Variants in PECR observed in about 807,000 individuals in gnomAD.
The protein encoded by PECR is peroxisomal trans-2-enoyl-CoA reductase, also known as 2,4-dienoyl-CoA reductase-related protein.
A neutral mutation model predicts 35.3 loss-of-function variants in PECR; 30 were observed. The observed-to-expected ratio is 0.85, with a 90% CI of 0.64 to 1.15. PECR has a LOEUF of 1.15. PECR is among the 50% of genes most tolerant of loss of function. PECR has a pLI of 0.00. For synonymous variants in PECR, 148 were observed against 138.9 expected (o/e 1.07, Z -0.46); for missense variants, 392 against 370.8 (o/e 1.06, Z -0.47).
chr2:216,032,780 G>A (rs2105936772), intron 7 of PECR: 1 of 152,316 alleles, frequency 6.6e-6, no homozygotes, highest in Admixed American at 6.5e-5. Context: ...TAGTTTTGAT[G>A]TAGCATACCT....
Position 216,039,227 on chromosome 2 carries a change from T to C in PECR, c.*48A>G, listed in dbSNP as rs778498158. 5 of 969,294 alleles carry C rather than the reference T, an allele frequency of 5.2e-6. No individual in the cohort carries two copies. Among genetic ancestry groups the C allele is most frequent in the East Asian group, 2.4e-5 (1 of 41,938 alleles). 60.0% of individuals were successfully genotyped at this position (969,294 alleles called of 1,614,324 possible). On this transcript the variant is annotated 3_prime_UTR_variant, in exon 8 of 8. Coordinates refer to ENST00000265322, the MANE Select transcript of PECR (RefSeq NM_018441.6). ...TTTTAAAAAGTACAGAAGCATATCC[T>C]CAAGATGTGAAGGCACTGGGGGATG... is the stretch of plus-strand genomic sequence containing the variant.
intron 7 of PECR, among the ~76,000 whole-genome samples, chr2:216,039,619 TA>T (rs1289022571): frequency 6.6e-6 from 1 of 152,240 alleles, no homozygotes; most frequent in Non-Finnish European, 1.5e-5. Flanking sequence ...ATCTACCTTT[TA>T]AAGTTGTGAG....
Position 216,067,004 on chromosome 2 carries a change from T to C in PECR, c.125-486A>G, listed in dbSNP as rs141195565. ...TGATGGTTTTCTGGCACTGGACATC[T>C]AGTAGCACTGGATGGTCATCTCTGG... On this transcript the variant is annotated intron_variant, in intron 1 of 7. Coordinates refer to ENST00000265322, the MANE Select transcript of PECR (RefSeq NM_018441.6). Among the ~76,000 whole-genome samples the C allele has an allele frequency of 5.4e-3, 828 of 152,268 alleles. 9 individuals are homozygous for C. Among genetic ancestry groups the C allele is most frequent in the African/African-American group, 0.019 (786 of 41,558 alleles).
intron 1 of PECR, among the ~76,000 whole-genome samples, chr2:216,077,685 T>C (rs887706995): frequency 6.6e-6 from 1 of 150,988 alleles, no homozygotes; most frequent in African/African-American, 2.4e-5. Context: ...CATGTGCCTG[T>C]AATCCCAGCT....
intron 1 of PECR, among the ~76,000 whole-genome samples, chr2:216,078,921 T>G (rs1324326662): frequency 6.6e-6 from 1 of 151,300 alleles, no homozygotes; most frequent in Non-Finnish European, 1.5e-5. Flanking sequence ...AGCACACTTA[T>G]GCAACAGGAT....
At chr2:216,081,532 G>GC in intron 1 of PECR, 86 bp downstream of exon 1, 1 of 1,548,752 alleles carries the variant, frequency 6.5e-7, no homozygotes, top group Non-Finnish European at 8.9e-7. Context: ...CACTCCCTCA[G>GC]CCCCGCCGAG....
In PECR at chr2:216,065,378, T is replaced by C. The variant is rs1372346050; in HGVS notation, c.358A>G (p.Ser120Gly). 2 of 1,609,092 alleles carry C rather than the reference T, an allele frequency of 1.2e-6. No homozygotes were observed. Among genetic ancestry groups the C allele is most frequent in the African/African-American group, 2.7e-5 (2 of 74,844 alleles). ...AGCACAGCGTGCCATCCCTTAGAAC[T>C]GATGTGTTCAGCAGGGGAAAGAAAC... ...GQFLSPAEHI[S>G]SKGWHAVLET... is the part of the protein sequence containing the mutation. The change falls in exon 3 of 8, where the codon AGT becomes GGT. Residue 120 changes from serine (S) to glycine (G), a missense_variant. By Grantham distance (56) the Ser-to-Gly change is moderately conservative. Transcript: ENST00000265322.
chr2:216,072,805 A>C (rs148275359), intron 1 of PECR, among the ~76,000 whole-genome samples: 116 of 152,280 alleles, frequency 7.6e-4, no homozygotes, highest in African/African-American at 2.6e-3. Context: ...ACTTGCTACT[A>C]TGAATAGTGC....
chr2:216,030,105 T>C (rs1212398859), intron 7 of PECR, among the ~76,000 whole-genome samples: 1 of 152,216 alleles, frequency 6.6e-6, no homozygotes, highest in Non-Finnish European at 1.5e-5. Flanking sequence ...AAAGAAGATT[T>C]AGGTTTCAAA....
chr2:216,065,335 C>G lies in PECR; in HGVS notation c.401G>C (p.Gly134Ala), dbSNP rs1237718135. 2.5e-6 allele frequency: 4 copies of G among 1,611,446 alleles called. No homozygotes were observed. Among genetic ancestry groups the G allele is most frequent in the Admixed American group, 3.3e-5 (2 of 59,982 alleles). Residue 134 changes from glycine (G) to alanine (A), a missense_variant, in exon 3 of 8, where the codon GGT becomes GCT. Coordinates refer to ENST00000265322, the MANE Select transcript of PECR (RefSeq NM_018441.6). ...WHAVLETNLT[G>A]TFYMCKAVYS... ...GCCTGCTTTGCACATGTAGAAGGTA[C>G]CCGTCAGGTTGGTCTCAAGCACAGC...
At chr2:216,042,585 A>G (rs543953729) in intron 7 of PECR, among the ~76,000 whole-genome samples, 1 of 152,294 alleles carries the variant, frequency 6.6e-6, no homozygotes, top group African/African-American at 2.4e-5. Context: ...ATTAGCTTAG[A>G]TAAACCTTTT....
chr2:216,030,182 G>C (rs1266793800), intron 7 of PECR, among the ~76,000 whole-genome samples: 1 of 152,136 alleles, frequency 6.6e-6, no homozygotes, highest in Non-Finnish European at 1.5e-5. Context: ...TAGATTATTG[G>C]GGGTGATGGG....
intron 3 of PECR, among the ~76,000 whole-genome samples, chr2:216,063,038 A>G (rs1398475154): frequency 6.6e-6 from 1 of 152,230 alleles, no homozygotes; most frequent in African/African-American, 2.4e-5. Flanking sequence ...ACACGACTGT[A>G]TTTTGGTATA....
chr2:216,069,834 G>T (rs1574703091), intron 1 of PECR, among the ~76,000 whole-genome samples: 1 of 151,892 alleles, frequency 6.6e-6, no homozygotes, highest in East Asian at 1.9e-4. Context: ...TACTCCGGAG[G>T]CTGAGGCAGG....
chr2:216,058,541 T>G (rs2105956403), intron 4 of PECR, among the ~76,000 whole-genome samples: 1 of 152,234 alleles, frequency 6.6e-6, no homozygotes, highest in African/African-American at 2.4e-5. Context: ...ACAGATTAGT[T>G]TCATTTCTAT....
At chr2:216,074,144 G>A (rs1695639566) in intron 1 of PECR, among the ~76,000 whole-genome samples, 1 of 152,188 alleles carries the variant, frequency 6.6e-6, no homozygotes, top group African/African-American at 2.4e-5. Flanking sequence ...TATAGGGCAG[G>A]GATGAAAAAC....
At chr2:216,057,566 T>A (rs1162452854) in intron 4 of PECR, 1 of 152,194 alleles carries the variant, frequency 6.6e-6, no homozygotes. Context: ...TCTGAATTAT[T>A]TCTTCCAAGA....
intron 4 of PECR, chr2:216,057,593 T>C (rs892499818): frequency 6.6e-6 from 1 of 152,102 alleles, no homozygotes; most frequent in Non-Finnish European, 1.5e-5. Flanking sequence ...AATAGGTAAA[T>C]ACATTTAGTA....
At chr2:216,068,804 ATT>A (rs36012588) in intron 1 of PECR, among the ~76,000 whole-genome samples, 1,091 of 76,102 alleles carry the variant, frequency 0.014, 21 homozygotes, top group African/African-American at 0.041. Flanking sequence ...TATCTGGCCA[ATT>A]TTTTTTTTTT....
Sources: gnomAD v4.1 joint callset for allele counts (sites outside exome capture counted in the v4.1 genomes callset) on GRCh38, gnomAD v4.1.1 for gene constraint, MANE v1.5 for transcripts, NCBI Gene and HGNC (gene_info 2026-07-23, HGNC 2026-07-21) for gene names.